The following POPDC3 variants were observed in gnomAD, a reference collection of about 807,000 sequenced individuals.
POPDC3 encodes the protein popeye domain-containing protein 3.
POPDC3 carries 20 observed loss-of-function variants against 28.2 expected under a neutral mutation model. The ratio of observed to expected loss-of-function variants is 0.71; its 90% CI spans 0.50 to 1.03. POPDC3 has a LOEUF of 1.03. POPDC3 is among the 50% of genes least tolerant of loss of function. The pLI is 0.00. For synonymous variants in POPDC3, 118 were observed against 124.1 expected (o/e 0.95, Z 0.33); for missense variants, 316 against 345.9 (o/e 0.91, Z 0.69).
intron 1 of POPDC3, among the ~76,000 whole-genome samples, chr6:105,165,551 TG>T (rs1259094108): frequency 6.6e-6 from 1 of 152,186 alleles, no homozygotes; most frequent in Admixed American, 6.5e-5. Context: ...TAACAGATAT[TG>T]TAACATCTTC....
At chr6:105,173,485 C>T (rs1774621943) in intron 1 of POPDC3, among the ~76,000 whole-genome samples, 1 of 152,152 alleles carries the variant, frequency 6.6e-6, no homozygotes, top group Non-Finnish European at 1.5e-5. Context: ...TGTTGAGTAG[C>T]AACCCTGTGT....
At chr6:105,179,025 TTTATTATTTACAAACAGAA>T (rs1267565871) in intron 1 of POPDC3, 4 of 985,290 alleles carry the variant, frequency 4.1e-6, no homozygotes, top group Non-Finnish European at 4.8e-6. Context: ...TACTTTTCCA[TTTATTATTTACAAACAGAA>T]TTTTTCACTT....
At chr6:105,167,484 C>T (rs914754554) in intron 1 of POPDC3, among the ~76,000 whole-genome samples, 10 of 152,094 alleles carry the variant, frequency 6.6e-5, no homozygotes, top group African/African-American at 2.2e-4. Flanking sequence ...TGGTGGCTCA[C>T]GCCTGTAATC....
chr6:105,160,751 C>T (rs1048415442), intron 2 of POPDC3, among the ~76,000 whole-genome samples: 11 of 151,824 alleles, frequency 7.2e-5, no homozygotes, highest in African/African-American at 2.4e-4. Flanking sequence ...TGCCACCATG[C>T]CTGGATAATT....
intron 1 of POPDC3, among the ~76,000 whole-genome samples, chr6:105,174,705 C>T (rs983361233): frequency 6.6e-6 from 1 of 152,106 alleles, no homozygotes; most frequent in Non-Finnish European, 1.5e-5. Context: ...GAAACATGGG[C>T]ATTTCAAACA....
At position 105,162,076 on chromosome 6, in the gene POPDC3, T is replaced by C; in HGVS notation, c.-167A>G. On this transcript the variant is annotated 5_prime_UTR_variant, in exon 2 of 4. Transcript: ENST00000254765. ...TTAAAGGCTTCGTGTGTACGGATCT[T>C]GAAAAACTAAGAATCCCATGCTCGC... 1 of 1,365,810 alleles carries C rather than the reference T, an allele frequency of 7.3e-7. No homozygotes were observed. Among genetic ancestry groups the C allele is most frequent in the South Asian group, 2.2e-5 (1 of 44,952 alleles). The allele number at this position is 1,365,810 out of a possible 1,614,324, so 84.6% of individuals were successfully genotyped here.
intron 1 of POPDC3, among the ~76,000 whole-genome samples, chr6:105,164,575 G>A (rs1774419509): frequency 6.6e-6 from 1 of 152,242 alleles, no homozygotes. Context: ...TGGAAGAACT[G>A]ACAGGGGCAG....
chr6:105,159,880 G>A (rs1220560741), intron 2 of POPDC3, 61 bp from the exon 3 acceptor site: 3 of 1,135,624 alleles, frequency 2.6e-6, no homozygotes, highest in South Asian at 2.5e-5. Context: ...TAATTGGGGA[G>A]GGGTGGGGGG....
chr6:105,171,214 T>C (rs1774570475), intron 1 of POPDC3, among the ~76,000 whole-genome samples: 1 of 152,216 alleles, frequency 6.6e-6, no homozygotes, highest in Admixed American at 6.5e-5. Flanking sequence ...TTTTTCTGGG[T>C]AAAACATGCG....
intron 1 of POPDC3, among the ~76,000 whole-genome samples, chr6:105,162,921 A>C (rs1245715331): frequency 6.6e-6 from 1 of 152,124 alleles, no homozygotes; most frequent in East Asian, 1.9e-4. Flanking sequence ...TTTACACATT[A>C]ATTTGAGGCT....
At chr6:105,177,987 A>G (rs1582999994) in intron 1 of POPDC3, among the ~76,000 whole-genome samples, 1 of 152,346 alleles carries the variant, frequency 6.6e-6, no homozygotes, top group African/African-American at 2.4e-5. Flanking sequence ...ACTTTTTCTT[A>G]TAACTACTTA....
chr6:105,177,862 A>G (rs1330597640), intron 1 of POPDC3, among the ~76,000 whole-genome samples: 3 of 152,216 alleles, frequency 2.0e-5, no homozygotes, highest in Non-Finnish European at 4.4e-5. Flanking sequence ...GTGTGAATCA[A>G]TCCCTGGATT....
intron 2 of POPDC3, 25 bp downstream of exon 2, chr6:105,161,400 A>G: frequency 5.0e-6 from 8 of 1,594,342 alleles, no homozygotes; most frequent in Non-Finnish European, 6.8e-6. Flanking sequence ...TTGAGGAAAG[A>G]CATGCAAGCA....
chr6:105,158,559 G>C lies in POPDC3; in HGVS notation c.787C>G (p.Pro263Ala). 1.2e-6 allele frequency: 2 copies of C among 1,613,988 alleles called. No individual in the cohort carries two copies. Among genetic ancestry groups the C allele is most frequent in the Non-Finnish European group, 1.7e-6 (2 of 1,179,934 alleles). ...GKRYHYDIRL[P>A]NFYQMSTPEI... ...GGAGTTGACATTTGATAGAAGTTGG[G>C]TAGCCGAATATCATAGTGATATCTT... Residue 263 changes from proline to alanine, a missense_variant, in exon 4 of 4, where the codon CCC (proline) becomes GCC (alanine). Coordinates refer to ENST00000254765, the MANE Select transcript of POPDC3 (RefSeq NM_022361.5).
chr6:105,174,277 G>C (rs1402784701), intron 1 of POPDC3, among the ~76,000 whole-genome samples: 1 of 152,188 alleles, frequency 6.6e-6, no homozygotes, highest in Non-Finnish European at 1.5e-5. Flanking sequence ...GACTTCAAGT[G>C]ATCCGCCCGC....
intron 1 of POPDC3, among the ~76,000 whole-genome samples, chr6:105,171,632 C>G (rs1344817505): frequency 6.6e-6 from 1 of 151,866 alleles, no homozygotes; most frequent in African/African-American, 2.4e-5. Context: ...GATCACGCCA[C>G]TGCACTCCAG....
chr6:105,177,356 A>T (rs1774700323), intron 1 of POPDC3, among the ~76,000 whole-genome samples: 1 of 152,148 alleles, frequency 6.6e-6, no homozygotes. Context: ...TCACACTTAA[A>T]TTTTTTTCTG....
At chr6:105,178,803 A>G in intron 1 of POPDC3, 4 of 985,246 alleles carry the variant, frequency 4.1e-6, no homozygotes, top group Non-Finnish European at 4.8e-6. Flanking sequence ...TTTTCATGCA[A>G]CAGTCCGTAG....
chr6:105,166,109 CT>C (rs1175335970), intron 1 of POPDC3, among the ~76,000 whole-genome samples: 1 of 152,170 alleles, frequency 6.6e-6, no homozygotes, highest in Non-Finnish European at 1.5e-5. Context: ...CTAGTCTTAG[CT>C]GTATCCCTAG....
Sources: gnomAD v4.1 joint callset for allele counts (sites outside exome capture counted in the v4.1 genomes callset) on GRCh38, gnomAD v4.1.1 for gene constraint, MANE v1.5 for transcripts, NCBI Gene and HGNC (gene_info 2026-07-23, HGNC 2026-07-21) for gene names.